Variants in SLC25A21 observed in about 807,000 individuals in gnomAD.
SLC25A21 encodes the protein mitochondrial 2-oxodicarboxylate carrier.
SLC25A21 carries 47 observed loss-of-function variants against 43.8 expected under a neutral mutation model. That is an observed-to-expected ratio of 1.07 (90% CI 0.85 to 1.37). SLC25A21 has a LOEUF of 1.37. Ranked by LOEUF, SLC25A21 falls within the 40% of genes most tolerant of loss-of-function variation. The pLI is 0.00. For missense variants in SLC25A21, 352 were observed against 350.2 expected, an observed-to-expected ratio of 1.00 and a Z score of -0.04; for synonymous variants, 131 against 121.3, an observed-to-expected ratio of 1.08 and a Z score of -0.52.
chr14:36,863,553 A>T (rs1490494076), intron 2 of SLC25A21, among the ~76,000 whole-genome samples: 2 of 152,230 alleles, frequency 1.3e-5, no homozygotes, highest in Non-Finnish European at 2.9e-5. Flanking sequence ...GCCTTTCCAG[A>T]TTATAAAGTG....
chr14:36,909,112 A>G lies in SLC25A21; in HGVS notation c.71-34108T>C, dbSNP rs538260479. Among the ~76,000 whole-genome samples the G allele has an allele frequency of 7.9e-5, 12 of 151,972 alleles. No homozygotes were observed. In the East Asian group the frequency reaches 2.3e-3, roughly 30 times the overall value. ...TGCATTGGAAGAATGAGGGAGGGAGAAGGAATAGATAACATGAGACTTGAG... is the reference window on the plus strand; with the variant it reads ...TGCATTGGAAGAATGAGGGAGGGAGGAGGAATAGATAACATGAGACTTGAG... On this transcript the variant is annotated intron_variant, in intron 1 of 9. Coordinates refer to ENST00000331299, the MANE Select transcript of SLC25A21 (RefSeq NM_030631.4).
At chr14:36,981,971 T>C (rs1566789925) in intron 1 of SLC25A21, among the ~76,000 whole-genome samples, 1 of 152,242 alleles carries the variant, frequency 6.6e-6, no homozygotes, top group Non-Finnish European at 1.5e-5. Context: ...ATGATTGTTT[T>C]GGTGTCATGC....
At chr14:36,776,226 C>CTTTTTTTTTTTTTTTT (rs1227806836) in intron 3 of SLC25A21, among the ~76,000 whole-genome samples, 1 of 48,086 alleles carries the variant, frequency 2.1e-5, no homozygotes, top group African/African-American at 6.1e-5. Flanking sequence ...TTTTCTTTTT[C>CTTTTTTTTTTTTTTTT]TTTCTTTCTT....
intron 1 of SLC25A21, among the ~76,000 whole-genome samples, chr14:37,099,134 G>T (rs866578709): frequency 6.6e-6 from 1 of 152,100 alleles, no homozygotes; most frequent in Middle Eastern, 3.4e-3. Flanking sequence ...CTCTGGAATT[G>T]AGACCACATT....
chr14:36,806,495 ACAAC>A (rs1332692344), intron 3 of SLC25A21, among the ~76,000 whole-genome samples: 2 of 149,834 alleles, frequency 1.3e-5, no homozygotes, highest in Non-Finnish European at 3.0e-5. Flanking sequence ...ATAAATCTGT[ACAAC>A]TATGTCAATT....
At chr14:36,920,558 C>T (rs1891952825) in intron 1 of SLC25A21, among the ~76,000 whole-genome samples, 1 of 152,056 alleles carries the variant, frequency 6.6e-6, no homozygotes, top group South Asian at 2.1e-4. Flanking sequence ...CTTCCCACCA[C>T]ATCTCCTTTA....
At chr14:36,816,906 T>G (rs907190919) in intron 2 of SLC25A21, among the ~76,000 whole-genome samples, 2 of 152,184 alleles carry the variant, frequency 1.3e-5, no homozygotes, top group African/African-American at 4.8e-5. Context: ...TAACCTATAT[T>G]CATTGTAGAG....
intron 1 of SLC25A21, among the ~76,000 whole-genome samples, chr14:37,145,905 C>A (rs997910220): frequency 6.6e-6 from 1 of 152,052 alleles, no homozygotes; most frequent in Non-Finnish European, 1.5e-5. Context: ...AAACTAGAGC[C>A]CTTTTTTATT....
intron 1 of SLC25A21, among the ~76,000 whole-genome samples, chr14:37,127,659 G>T (rs186351676): frequency 5.3e-5 from 8 of 152,274 alleles, no homozygotes; most frequent in Admixed American, 3.3e-4. Flanking sequence ...CGAAAGCAAA[G>T]TCAGGTTTCA....
At chr14:36,822,204 C>G (rs1324562258) in intron 2 of SLC25A21, among the ~76,000 whole-genome samples, 2 of 152,240 alleles carry the variant, frequency 1.3e-5, no homozygotes, top group Non-Finnish European at 2.9e-5. Context: ...CTTTCACATT[C>G]TAGGCCTGGC....
chr14:36,763,480 A>G (rs539036330), intron 3 of SLC25A21, among the ~76,000 whole-genome samples: 1 of 152,168 alleles, frequency 6.6e-6, no homozygotes, highest in African/African-American at 2.4e-5. Flanking sequence ...TTCAAAGAGA[A>G]CTCTGCCTCT....
intron 1 of SLC25A21, among the ~76,000 whole-genome samples, chr14:37,073,960 G>GA (rs574215839): frequency 6.6e-6 from 1 of 151,592 alleles, no homozygotes; most frequent in Admixed American, 6.6e-5. Flanking sequence ...GTGCATCTGA[G>GA]AAAAAACATC....
chr14:36,706,167 A>T (rs1883553798), intron 7 of SLC25A21, among the ~76,000 whole-genome samples: 1 of 152,214 alleles, frequency 6.6e-6, no homozygotes, highest in Admixed American at 6.5e-5. Context: ...AGTTCGGGGG[A>T]AAAAATTCCT....
intron 2 of SLC25A21, among the ~76,000 whole-genome samples, chr14:36,869,810 G>C (rs751879334): frequency 7.9e-5 from 12 of 152,128 alleles, no homozygotes; most frequent in African/African-American, 2.7e-4. Context: ...TGGAGAAATA[G>C]TATCCCCAGA....
intron 1 of SLC25A21, among the ~76,000 whole-genome samples, chr14:37,081,817 C>G (rs185563524): frequency 3.3e-4 from 50 of 152,256 alleles, no homozygotes; most frequent in Non-Finnish European, 2.1e-4. Context: ...TCTGAATAAA[C>G]ATAAAAAGGC....
At chr14:37,101,053 T>C (rs1313493521) in intron 1 of SLC25A21, among the ~76,000 whole-genome samples, 1 of 152,218 alleles carries the variant, frequency 6.6e-6, no homozygotes, top group Non-Finnish European at 1.5e-5. Flanking sequence ...TATGATGATT[T>C]CACAGATACA....
chr14:37,013,875 T>C (rs1472606750), intron 1 of SLC25A21, among the ~76,000 whole-genome samples: 1 of 152,158 alleles, frequency 6.6e-6, no homozygotes, highest in Non-Finnish European at 1.5e-5. Flanking sequence ...TCACATGAAT[T>C]TTTTGGTTTC....
chr14:36,839,651 A>G (rs79524297), intron 2 of SLC25A21, among the ~76,000 whole-genome samples: 225 of 152,326 alleles, frequency 1.5e-3, no homozygotes, highest in South Asian at 7.9e-3. Flanking sequence ...ATCAAGGCTT[A>G]TCTGCAGTCA....
intron 1 of SLC25A21, among the ~76,000 whole-genome samples, chr14:36,898,134 G>A (rs1038935265): frequency 5.9e-5 from 9 of 152,056 alleles, no homozygotes; most frequent in Non-Finnish European, 1.2e-4. Context: ...CCCTAGAGGT[G>A]GAGTCTACAG....
Sources: gnomAD v4.1 joint callset for allele counts (sites outside exome capture counted in the v4.1 genomes callset) on GRCh38, gnomAD v4.1.1 for gene constraint, MANE v1.5 for transcripts, NCBI Gene and HGNC (gene_info 2026-07-23, HGNC 2026-07-21) for gene names.